The following TMEM182 variants were observed in gnomAD, a reference collection of about 807,000 sequenced individuals.
The protein encoded by TMEM182 is transmembrane protein 182.
A neutral mutation model predicts 26.8 loss-of-function variants in TMEM182; 20 were observed. The ratio of observed to expected loss-of-function variants is 0.75; its 90% CI spans 0.53 to 1.09. The LOEUF (loss-of-function observed/expected upper bound fraction) is 1.09. Ranked by LOEUF, TMEM182 falls within the 50% of genes least tolerant of loss-of-function variation. The pLI, the probability that TMEM182 is intolerant of heterozygous loss-of-function variation, is 0.00. For synonymous variants in TMEM182, 109 were observed against 102.2 expected (o/e 1.07, Z -0.40); for missense variants, 277 against 275.5 (o/e 1.01, Z -0.04).
At position 102,807,692 on chromosome 2, in the gene TMEM182, T is replaced by C. The variant is rs143648017; in HGVS notation, c.470-7056T>C. On this transcript the variant is annotated intron_variant, in intron 4 of 4. Transcript: ENST00000412401. Reference sequence around the variant, plus strand: ...TAATATGGAGAAAGTTAAGAGTACATGTTGGACTCTGGAATGCACCTGTGA... The same window carrying C: ...TAATATGGAGAAAGTTAAGAGTACACGTTGGACTCTGGAATGCACCTGTGA... Among the ~76,000 whole-genome samples, 57 of 152,286 alleles carry C rather than the reference T, an allele frequency of 3.7e-4. No homozygotes were observed. The East Asian group carries it at 0.01, about 28-fold the overall frequency.
At chr2:102,838,840 G>A (rs1309131314) in intron 3 of TMEM182, among the ~76,000 whole-genome samples, 7 of 152,200 alleles carry the variant, frequency 4.6e-5, no homozygotes, top group Non-Finnish European at 2.9e-5. Context: ...GCCATTGGCA[G>A]AGGAAGGATG....
chr2:102,826,762 G>A (rs908579971), intron 3 of TMEM182, among the ~76,000 whole-genome samples: 1 of 152,050 alleles, frequency 6.6e-6, no homozygotes, highest in African/African-American at 2.4e-5. Context: ...GTCTAAGATT[G>A]CCCAGGAGCA....
In TMEM182 at chr2:102,817,113, G is replaced by A. The variant is rs1252542545; in HGVS notation, c.*2145G>A. The A allele has an allele frequency of 5.1e-6, 5 of 985,298 alleles. No homozygotes were observed. The highest frequency in any genetic ancestry group is 1.7e-5 in the African/African-American group (1 of 57,230). 61.0% of individuals were successfully genotyped at this position (985,298 alleles called of 1,614,324 possible). A position where few individuals can be genotyped will look rare whatever the true frequency, so the allele number is the denominator to read the frequency against. The stretch of plus-strand genomic sequence containing the variant: ...CCAGCAACCCTCTGAAGGAATGAAG[G>A]AGAGTTGTGATTGCTATGTCAATGA... On this transcript the variant is annotated 3_prime_UTR_variant, in exon 5 of 5. Coordinates refer to ENST00000412401, the MANE Select transcript of TMEM182 (RefSeq NM_144632.5).
Position 102,815,088 on chromosome 2 carries a change from A to G in TMEM182, c.*120A>G, listed in dbSNP as rs1169216711. The G allele has an allele frequency of 1.6e-5, 23 of 1,454,048 alleles. 1 individual carries two copies. In the Middle Eastern group the frequency reaches 1.0e-3, roughly 64 times the overall value. 90.1% of individuals were successfully genotyped at this position (1,454,048 alleles called of 1,614,324 possible). A position where few individuals can be genotyped will look rare whatever the true frequency, so the allele number is the denominator to read the frequency against. ...GATATAACTTTTTAGTTGCTATTCA[A>G]ATTAATCATTTTACTAAAATTTTCT... On this transcript the variant is annotated 3_prime_UTR_variant, in exon 5 of 5. Transcript: ENST00000412401.
chr2:102,833,400 A>C (rs573457014), intron 3 of TMEM182, among the ~76,000 whole-genome samples: 15 of 152,160 alleles, frequency 9.9e-5, no homozygotes, highest in Non-Finnish European at 1.9e-4. Flanking sequence ...GGGACTAGAA[A>C]ATCAGGTCAA....
chr2:102,761,362 C>A (rs1680206121), upstream of TMEM182, among the ~76,000 whole-genome samples: 1 of 152,140 alleles, frequency 6.6e-6, no homozygotes, highest in Admixed American at 6.5e-5. Flanking sequence ...GGAAATAATA[C>A]ATTTTTGAGA....
At chr2:102,841,346 C>A (rs1276306194) in intron 3 of TMEM182, among the ~76,000 whole-genome samples, 1 of 152,170 alleles carries the variant, frequency 6.6e-6, no homozygotes, top group Admixed American at 6.5e-5. Flanking sequence ...CAGGGGACAG[C>A]CAAAGCTCTA....
chr2:102,797,719 A>G (rs910410045), intron 3 of TMEM182, 144 bp from the exon 4 acceptor site: 2 of 978,882 alleles, frequency 2.0e-6, no homozygotes, highest in African/African-American at 3.3e-5. Flanking sequence ...CTGTTTGTTC[A>G]GACCCATCCC....
intron 3 of TMEM182, among the ~76,000 whole-genome samples, chr2:102,770,711 A>G (rs1368701635): frequency 6.6e-6 from 1 of 152,186 alleles, no homozygotes; most frequent in Non-Finnish European, 1.5e-5. Context: ...GAGGAAGTAG[A>G]GACCTTTTCA....
At chr2:102,819,110 A>G (rs1682854705), downstream of TMEM182, among the ~76,000 whole-genome samples, 1 of 152,226 alleles carries the variant, frequency 6.6e-6, no homozygotes, top group Admixed American at 6.5e-5. Context: ...AATTCACTGA[A>G]AATGTAGGAT....
intron 3 of TMEM182, among the ~76,000 whole-genome samples, chr2:102,767,391 T>C (rs1292744023): frequency 2.0e-5 from 3 of 152,214 alleles, no homozygotes; most frequent in Non-Finnish European, 4.4e-5. Context: ...ACAATTCTAT[T>C]ACCTTTGGAG....
At chr2:102,776,584 G>A (rs1680925122) in intron 3 of TMEM182, among the ~76,000 whole-genome samples, 1 of 152,140 alleles carries the variant, frequency 6.6e-6, no homozygotes, top group Admixed American at 6.5e-5. Context: ...TTGGTTGCCT[G>A]TAAGCTTTGG....
At chr2:102,812,637 A>G (rs1682595742) in intron 4 of TMEM182, among the ~76,000 whole-genome samples, 1 of 152,140 alleles carries the variant, frequency 6.6e-6, no homozygotes, top group African/African-American at 2.4e-5. Flanking sequence ...CCTGCAATAC[A>G]TTTTCCTAAT....
At chr2:102,748,377 T>C (rs1679778363) in intron 1 of TMEM182, among the ~76,000 whole-genome samples, 1 of 152,258 alleles carries the variant, frequency 6.6e-6, no homozygotes, top group Non-Finnish European at 1.5e-5. Flanking sequence ...CCTGTTGCTC[T>C]GTCCTATGTA....
At chr2:102,806,120 G>C (rs1165985495) in intron 4 of TMEM182, among the ~76,000 whole-genome samples, 1 of 151,998 alleles carries the variant, frequency 6.6e-6, no homozygotes, top group Non-Finnish European at 1.5e-5. Context: ...ACTTTGCTCA[G>C]AACTAACTAG....
intron 2 of TMEM182, among the ~76,000 whole-genome samples, chr2:102,762,981 A>G (rs775098115): frequency 3.9e-5 from 6 of 152,202 alleles, no homozygotes; most frequent in Non-Finnish European, 5.9e-5. Flanking sequence ...CAGGACAGGT[A>G]TTGTCTATAG....
In TMEM182 at chr2:102,816,922, T is replaced by G; in HGVS notation, c.*1954T>G. On this transcript the variant is annotated 3_prime_UTR_variant, in exon 5 of 5. Transcript: ENST00000412401. ...AATATTTATAAATTTCAGATGGTTATCCTCACTTTATAGTACACTTAAGTG... is the reference window on the plus strand; with the variant it reads ...AATATTTATAAATTTCAGATGGTTAGCCTCACTTTATAGTACACTTAAGTG... 3 of 985,798 alleles carry G rather than the reference T, an allele frequency of 3.0e-6. No individual in the cohort carries two copies. Among genetic ancestry groups the G allele is most frequent in the Non-Finnish European group, 3.6e-6 (3 of 829,856 alleles). The allele number at this position is 985,798 out of a possible 1,614,324, so 61.1% of individuals were successfully genotyped here. A position where few individuals can be genotyped will look rare whatever the true frequency, so the allele number is the denominator to read the frequency against.
chr2:102,763,134 T>A (rs559259332), intron 2 of TMEM182, among the ~76,000 whole-genome samples: 25 of 152,102 alleles, frequency 1.6e-4, no homozygotes, highest in South Asian at 2.1e-4. Context: ...TATATTTTTT[T>A]TAAAAAAATC....
intron 3 of TMEM182, chr2:102,834,400 T>C: frequency 1.0e-6 from 1 of 985,346 alleles, no homozygotes; most frequent in Non-Finnish European, 1.2e-6. Flanking sequence ...GATCCTCTGC[T>C]GTAAACAGAA....
Sources: allele counts gnomAD v4.1 joint callset (sites outside exome capture counted in the v4.1 genomes callset), GRCh38; gene constraint gnomAD v4.1.1; transcripts MANE v1.5; gene names NCBI Gene and HGNC (gene_info 2026-07-23, HGNC 2026-07-21).